PTPRD: variants seen among roughly 807,000 people sequenced by gnomAD.
The protein encoded by PTPRD is receptor-type tyrosine-protein phosphatase delta.
Under a neutral mutation model 214.5 loss-of-function variants are expected in PTPRD, and 34 were observed. That is an observed-to-expected ratio of 0.16 (90% CI 0.12 to 0.21). The LOEUF (loss-of-function observed/expected upper bound fraction) is 0.21. Ranked by LOEUF, PTPRD falls within the 10% of genes least tolerant of loss-of-function variation. The pLI is 1.00. For synonymous variants in PTPRD, 1,128 were observed against 845.7 expected (o/e 1.33, Z -5.79); for missense variants, 2,545 against 2,398.7 (o/e 1.06, Z -1.27).
intron 2 of PTPRD, among the ~76,000 whole-genome samples, chr9:10,407,285 G>A (rs1024602775): frequency 2.6e-4 from 39 of 151,636 alleles, no homozygotes; most frequent in African/African-American, 9.2e-4. Flanking sequence ...TGAATATGGT[G>A]TGATAATTGG....
At chr9:9,321,880 T>A (rs1331246216) in intron 9 of PTPRD, among the ~76,000 whole-genome samples, 2 of 152,168 alleles carry the variant, frequency 1.3e-5, no homozygotes, top group Non-Finnish European at 2.9e-5. Context: ...TTTTACTAAC[T>A]TTATGGTAAT....
chr9:10,117,750 G>T (rs2098742793), intron 3 of PTPRD, among the ~76,000 whole-genome samples: 1 of 151,390 alleles, frequency 6.6e-6, no homozygotes, highest in Non-Finnish European at 1.5e-5. Flanking sequence ...GATTGGACAT[G>T]TTTTTTGGTG....
intron 3 of PTPRD, among the ~76,000 whole-genome samples, chr9:10,274,565 A>T (rs1354652914): frequency 6.6e-6 from 1 of 152,194 alleles, no homozygotes; most frequent in Non-Finnish European, 1.5e-5. Context: ...AATTTTAAAA[A>T]GACACCAAAT....
At chr9:9,411,107 G>A (rs1475690) in intron 8 of PTPRD, among the ~76,000 whole-genome samples, 132,874 of 152,082 alleles carry the variant, frequency 0.87, 58,204 homozygotes, top group African/African-American at 0.9. Context: ...TGAAAAAGAA[G>A]TGAACCACAA....
intron 5 of PTPRD, among the ~76,000 whole-genome samples, chr9:9,780,938 T>C (rs1482604971): frequency 3.3e-5 from 5 of 152,086 alleles, no homozygotes; most frequent in East Asian, 1.9e-4. Flanking sequence ...GTCTAGAAAA[T>C]CTGTGCACTG....
intron 21 of PTPRD, among the ~76,000 whole-genome samples, chr9:8,515,104 G>A (rs1284677061): frequency 2.6e-5 from 4 of 152,136 alleles, no homozygotes; most frequent in Non-Finnish European, 1.5e-5. Flanking sequence ...TCTCTTTATA[G>A]CAGTGTGAAA....
intron 2 of PTPRD, among the ~76,000 whole-genome samples, chr9:10,551,614 G>C (rs28619147): frequency 0.044 from 6,675 of 152,166 alleles, 165 homozygotes; most frequent in Middle Eastern, 0.11. Flanking sequence ...AACCAGACAT[G>C]GAATCTGCCA....
chr9:9,893,873 T>C (rs1052554290), intron 5 of PTPRD, among the ~76,000 whole-genome samples: 1 of 151,980 alleles, frequency 6.6e-6, no homozygotes, highest in African/African-American at 2.4e-5. Flanking sequence ...CAGACTGGAA[T>C]GCAGTGACAT....
intron 3 of PTPRD, among the ~76,000 whole-genome samples, chr9:10,184,845 A>G (rs2099321618): frequency 6.6e-6 from 1 of 152,232 alleles, no homozygotes; most frequent in African/African-American, 2.4e-5. Context: ...TGTTTGACAT[A>G]GAGAAAACTC....
rs917652030 is a variant in PTPRD at position 9,858,719 on chromosome 9, T to A, written c.-368+79788A>T. ...TAATGAAAAATGTATTCTAAAAATC[T>A]AGTTAGTATAATCTTATTTTACAGA... On this transcript the variant is annotated intron_variant, in intron 5 of 45. Transcript: ENST00000381196. Among the ~76,000 whole-genome samples, 14 of 152,324 alleles carry A rather than the reference T, an allele frequency of 9.2e-5. 1 individual carries two copies. The South Asian group carries it at 2.5e-3, about 27-fold the overall frequency.
intron 8 of PTPRD, among the ~76,000 whole-genome samples, chr9:9,560,618 C>T (rs746988827): frequency 7.2e-5 from 11 of 152,210 alleles, no homozygotes; most frequent in Admixed American, 2.0e-4. Context: ...TGAAGACCCA[C>T]TCACTTCATC....
intron 11 of PTPRD, among the ~76,000 whole-genome samples, chr9:8,763,365 T>C (rs1242517466): frequency 6.6e-6 from 1 of 151,598 alleles, no homozygotes; most frequent in African/African-American, 2.4e-5. Flanking sequence ...TATACAAAAA[T>C]TAGCTGGGTA....
intron 12 of PTPRD, among the ~76,000 whole-genome samples, chr9:8,706,454 T>C (rs554780070): frequency 1.3e-5 from 2 of 152,326 alleles, no homozygotes; most frequent in South Asian, 4.1e-4. Context: ...CAAGTGTTCA[T>C]GGTTTTGCCA....
intron 4 of PTPRD, among the ~76,000 whole-genome samples, chr9:9,969,617 G>C (rs2094951767): frequency 6.6e-6 from 1 of 152,162 alleles, no homozygotes; most frequent in Admixed American, 6.5e-5. Context: ...TGAGATCAAA[G>C]AACAAGTTTA....
chr9:9,642,405 TA>T (rs542659519), intron 7 of PTPRD, among the ~76,000 whole-genome samples: 4 of 151,532 alleles, frequency 2.6e-5, no homozygotes, highest in African/African-American at 9.8e-5. Context: ...CCCTAAAACT[TA>T]AAGTATAATA....
chr9:10,337,819 A>T (rs1000787473), intron 3 of PTPRD, among the ~76,000 whole-genome samples: 41 of 151,722 alleles, frequency 2.7e-4, no homozygotes, highest in African/African-American at 9.4e-4. Context: ...TACAAATAGC[A>T]AATGGTGGAA....
intron 3 of PTPRD, among the ~76,000 whole-genome samples, chr9:10,316,380 C>T (rs576469116): frequency 6.6e-6 from 1 of 151,758 alleles, no homozygotes; most frequent in Non-Finnish European, 1.5e-5. Flanking sequence ...ACTTTCCCAA[C>T]AACCTAATAC....
At chr9:9,742,044 A>G (rs2098409036) in intron 6 of PTPRD, among the ~76,000 whole-genome samples, 1 of 152,202 alleles carries the variant, frequency 6.6e-6, no homozygotes, top group South Asian at 2.1e-4. Flanking sequence ...GTCTTCAACA[A>G]TGGTTGAACT....
chr9:10,082,596 C>T (rs1350813306), intron 3 of PTPRD, among the ~76,000 whole-genome samples: 2 of 151,910 alleles, frequency 1.3e-5, no homozygotes, highest in Non-Finnish European at 2.9e-5. Context: ...ACTTCATATG[C>T]ATCTCAAGTT....
Sources: allele counts gnomAD v4.1 joint callset (sites outside exome capture counted in the v4.1 genomes callset), GRCh38; gene constraint gnomAD v4.1.1; transcripts MANE v1.5; gene names NCBI Gene and HGNC (gene_info 2026-07-23, HGNC 2026-07-21).